OSBPL10: variants seen among roughly 807,000 people sequenced by gnomAD.
OSBPL10 encodes the protein oxysterol-binding protein-related protein 10.
A neutral mutation model predicts 81.7 loss-of-function variants in OSBPL10; 49 were observed. That is an observed-to-expected ratio of 0.60 (90% confidence interval 0.48 to 0.76). OSBPL10 has a LOEUF of 0.76. Among genes scored for constraint, OSBPL10 ranks in the 30% least tolerant of loss-of-function variants. OSBPL10 has a pLI of 0.00. For missense variants in OSBPL10, 923 were observed against 987.8 expected (o/e 0.93, Z 0.88); for synonymous variants, 419 against 383.6 (o/e 1.09, Z -1.08).
intron 6 of OSBPL10, among the ~76,000 whole-genome samples, chr3:31,725,430 A>T (rs6784649): frequency 6.6e-6 from 1 of 152,208 alleles, no homozygotes; most frequent in South Asian, 2.1e-4. Flanking sequence ...AAAAGAAAAA[A>T]CCCGGATGAT....
intron 1 of OSBPL10, among the ~76,000 whole-genome samples, chr3:31,910,119 C>T (rs1342150832): frequency 6.6e-6 from 1 of 151,678 alleles, no homozygotes; most frequent in Non-Finnish European, 1.5e-5. Flanking sequence ...GTATCTGGGA[C>T]TGCAGGAACA....
chr3:31,921,988 G>A (rs1696931500), intron 1 of OSBPL10, among the ~76,000 whole-genome samples: 1 of 152,098 alleles, frequency 6.6e-6, no homozygotes. Context: ...ATTCCAATAA[G>A]GACTATCCTA....
At chr3:31,776,478 G>C (rs1698552381) in intron 4 of OSBPL10, among the ~76,000 whole-genome samples, 1 of 152,014 alleles carries the variant, frequency 6.6e-6, no homozygotes, top group Non-Finnish European at 1.5e-5. Flanking sequence ...AATGAACACT[G>C]GTACCTAAAC....
chr3:31,726,990 C>T (rs1030680150), intron 6 of OSBPL10, among the ~76,000 whole-genome samples: 3 of 151,902 alleles, frequency 2.0e-5, no homozygotes, highest in Admixed American at 6.6e-5. Context: ...ACCATCGGCA[C>T]GTACCCAGCT....
chr3:32,030,178 T>A (rs949500094), intron 2 of OSBPL10: 1 of 238,480 alleles, frequency 4.2e-6, no homozygotes, highest in East Asian at 1.0e-4. Flanking sequence ...AACCGCCATC[T>A]TCCAGTAATT....
At chr3:31,811,512 A>G (rs1699680357) in intron 4 of OSBPL10, among the ~76,000 whole-genome samples, 1 of 152,200 alleles carries the variant, frequency 6.6e-6, no homozygotes, top group African/African-American at 2.4e-5. Context: ...GCCTCAAAGA[A>G]AGGAGTGTTG....
intron 4 of OSBPL10, among the ~76,000 whole-genome samples, chr3:31,792,171 G>A (rs776812741): frequency 1.3e-5 from 2 of 151,646 alleles, no homozygotes; most frequent in African/African-American, 2.4e-5. Flanking sequence ...TGAGGCTGCG[G>A]TGAGCTGTAA....
chr3:31,970,836 T>C (rs1355101653), intron 1 of OSBPL10, among the ~76,000 whole-genome samples: 1 of 152,206 alleles, frequency 6.6e-6, no homozygotes, highest in Non-Finnish European at 1.5e-5. Flanking sequence ...TACAGTCTCA[T>C]CTCTGGCCAC....
At position 31,668,780 on chromosome 3, in the gene OSBPL10, C is replaced by T; in HGVS notation, c.1958G>A (p.Cys653Tyr). The T allele has an allele frequency of 6.2e-7, 1 of 1,613,736 alleles. No homozygotes were observed. Among genetic ancestry groups the T allele is most frequent in the Non-Finnish European group, 8.5e-7 (1 of 1,179,720 alleles). Residue 653 changes from cysteine to tyrosine, a missense_variant, in exon 10 of 12, where the codon TGT becomes TAT. Physicochemically the swap from Cys to Tyr is radical, Grantham distance 194 (BLOSUM62 -2). Around this residue, in one of 3 missense-constraint regions of OSBPL10, gnomAD observed 387 missense variants for 436.3 expected, o/e 0.89. Transcript: ENST00000396556. Reference protein sequence around the residue: ...VKHNPTNTIVCKAHGEWNGTL... With the variant: ...VKHNPTNTIVYKAHGEWNGTL... ...ACCATTCCATTCCCCATGGGCTTTA[C>T]AAACAATGGTGTTGGTTGGGTTGTG... is the stretch of plus-strand genomic sequence containing the variant.
At chr3:32,004,419 T>C (rs1291881733) in intron 2 of OSBPL10, among the ~76,000 whole-genome samples, 3 of 152,192 alleles carry the variant, frequency 2.0e-5, no homozygotes, top group Non-Finnish European at 4.4e-5. Context: ...GTCACCTGAC[T>C]CCCTTGCCCA....
At position 31,961,312 on chromosome 3, in the gene OSBPL10, G is replaced by A. The variant is rs147946291; in HGVS notation, c.281+19587C>T. Among the ~76,000 whole-genome samples, 243 of 152,220 alleles carry A rather than the reference G, an allele frequency of 1.6e-3. 1 individual carries two copies. Among genetic ancestry groups the A allele is most frequent in the Middle Eastern group, 6.8e-3 (2 of 294 alleles). On this transcript the variant is annotated intron_variant, in intron 1 of 11. Coordinates refer to ENST00000396556, the MANE Select transcript of OSBPL10 (RefSeq NM_017784.5). ...AACCTAAATTTGAGGGATCTGCAGT[G>A]CCCAGGAAGCCAGGGAAGGCTTCAG...
intron 2 of OSBPL10, among the ~76,000 whole-genome samples, chr3:32,013,487 A>C (rs1295358066): frequency 6.6e-6 from 1 of 152,240 alleles, no homozygotes; most frequent in African/African-American, 2.4e-5. Flanking sequence ...CCACAAGAGA[A>C]AGCAGGAAAG....
intron 3 of OSBPL10, among the ~76,000 whole-genome samples, chr3:31,845,324 C>T (rs1397762174): frequency 6.6e-6 from 1 of 151,844 alleles, no homozygotes; most frequent in East Asian, 1.9e-4. Context: ...TTCGTGTAGG[C>T]AGAACTGTAT....
At chr3:31,750,570 C>T (rs1487091139) in intron 4 of OSBPL10, among the ~76,000 whole-genome samples, 5 of 152,132 alleles carry the variant, frequency 3.3e-5, no homozygotes, top group Non-Finnish European at 7.3e-5. Context: ...CAAGATAAAA[C>T]GTCTATGTAT....
chr3:31,757,169 T>C (rs565704265), intron 4 of OSBPL10, among the ~76,000 whole-genome samples: 1 of 152,326 alleles, frequency 6.6e-6, no homozygotes, highest in African/African-American at 2.4e-5. Flanking sequence ...CTTCACCAAA[T>C]TCATATGCTG....
intron 6 of OSBPL10, among the ~76,000 whole-genome samples, chr3:31,726,945 G>C (rs1283205660): frequency 6.6e-6 from 1 of 151,894 alleles, no homozygotes; most frequent in Non-Finnish European, 1.5e-5. Context: ...CCAGGCTCAA[G>C]GAATCCTCTC....
chr3:31,938,749 C>G (rs182787991), intron 1 of OSBPL10, among the ~76,000 whole-genome samples: 1 of 152,102 alleles, frequency 6.6e-6, no homozygotes, highest in Non-Finnish European at 1.5e-5. Context: ...CTGTCTCAGC[C>G]TCCTAAAGTG....
chr3:31,885,359 A>G (rs1695703802), intron 1 of OSBPL10, among the ~76,000 whole-genome samples: 1 of 152,096 alleles, frequency 6.6e-6, no homozygotes, highest in African/African-American at 2.4e-5. Flanking sequence ...ACACTCACAC[A>G]TTCATAACCA....
intron 2 of OSBPL10, chr3:32,030,642 G>C (rs1274757547): frequency 2.1e-6 from 3 of 1,413,534 alleles, no homozygotes; most frequent in Non-Finnish European, 3.0e-6. Flanking sequence ...AGTAGCCTGA[G>C]CTGCTGGAAC....
Sources: gnomAD v4.1 joint callset for allele counts (sites outside exome capture counted in the v4.1 genomes callset) on GRCh38, gnomAD v4.1.1 for gene constraint, gnomAD v4.1.1 regional missense constraint, MANE v1.5 for transcripts, NCBI Gene and HGNC (gene_info 2026-07-23, HGNC 2026-07-21) for gene names.